RNF17: variants seen among roughly 807,000 people sequenced by gnomAD.
The protein encoded by RNF17 is ring finger protein 17, also known as spermatogenesis associated 23.
A neutral mutation model predicts 200.5 loss-of-function variants in RNF17; 31 were observed. The observed-to-expected ratio is 0.15, with a 90% CI of 0.12 to 0.21. RNF17 has a LOEUF of 0.21. Ranked by LOEUF, RNF17 falls within the 10% of genes least tolerant of loss-of-function variation. The pLI is 1.00. For missense variants in RNF17, 1,628 were observed against 1,905.1 expected, an observed-to-expected ratio of 0.85 and a Z score of 2.71; for synonymous variants, 606 against 637.8, an observed-to-expected ratio of 0.95 and a Z score of 0.75.
chr13:24,796,532 G>A (rs1884594050), intron 11 of RNF17, among the ~76,000 whole-genome samples: 1 of 152,104 alleles, frequency 6.6e-6, no homozygotes. Flanking sequence ...TTATGTAGTA[G>A]GGCGAATTTC....
chr13:24,855,341 A>T (rs1192787865), intron 25 of RNF17, among the ~76,000 whole-genome samples: 2 of 152,142 alleles, frequency 1.3e-5, no homozygotes, highest in South Asian at 2.1e-4. Context: ...CAGAATTGGT[A>T]ATCATTGGCC....
chr13:24,846,244 G>T (rs535269362), intron 22 of RNF17, among the ~76,000 whole-genome samples: 3 of 152,320 alleles, frequency 2.0e-5, no homozygotes, highest in Non-Finnish European at 4.4e-5. Flanking sequence ...GTAGTCTACA[G>T]TTTATGAGCT....
Position 24,879,626 on chromosome 13 carries a change from G to A in RNF17, c.*11-111G>A, listed in dbSNP as rs547446533. 6.1e-5 allele frequency: 11 copies of A among 180,048 alleles called. 1 individual carries two copies. In the South Asian group the frequency reaches 1.7e-3, roughly 28 times the overall value. The allele number at this position is 180,048 out of a possible 1,614,324, so 11.2% of individuals were successfully genotyped here. On this transcript the variant is annotated intron_variant, in intron 35 of 35. Transcript: ENST00000255324. ...TGAGCAGTCACCATCCTCATACCAC[G>A]TACTTACATGGGTAGCCAGCTAACT...
intron 32 of RNF17, among the ~76,000 whole-genome samples, chr13:24,871,958 C>CT (rs60797153): frequency 0.17 from 11,892 of 71,376 alleles, 2,519 homozygotes; most frequent in East Asian, 0.22. Context: ...TTATTGATGA[C>CT]TTTTTTTTTT....
chr13:24,782,427 G>A (rs143830523), intron 6 of RNF17, among the ~76,000 whole-genome samples: 57 of 152,010 alleles, frequency 3.7e-4, no homozygotes, highest in African/African-American at 1.3e-3. Context: ...CAAACTCCTG[G>A]CCTCAAGAAA....
At chr13:24,871,552 G>A (rs1278811009) in intron 32 of RNF17, among the ~76,000 whole-genome samples, 1 of 151,830 alleles carries the variant, frequency 6.6e-6, no homozygotes, top group East Asian at 1.9e-4. Flanking sequence ...TAGCCAGGCT[G>A]GTGTCAAGCT....
intron 31 of RNF17, among the ~76,000 whole-genome samples, chr13:24,869,934 A>ATTTTTTTTTTTTTTTTTTTTTTTTT: frequency 1.2e-5 from 1 of 83,756 alleles, no homozygotes; most frequent in Non-Finnish European, 2.2e-5. Context: ...TGCCCAGCTA[A>ATTTTTTTTTTTTTTTTTTTTTTTTT]TTTTTTTTTT....
At position 24,842,492 on chromosome 13, in the gene RNF17, T is replaced by C. The variant is rs3759462; in HGVS notation, c.2603+331T>C. 2.8e-4 allele frequency among the ~76,000 whole-genome samples: 43 copies of C among 152,304 alleles called. No individual in the cohort carries two copies. In the East Asian group the frequency reaches 7.3e-3, roughly 26 times the overall value. ...GGAATTGGGAAGAGAAATGGCAGGA[T>C]GGAGAATAAGCATAGTGGTAGAGTA... is the stretch of plus-strand genomic sequence containing the variant. On this transcript the variant is annotated intron_variant, in intron 19 of 35. Transcript: ENST00000255324.
intron 25 of RNF17, among the ~76,000 whole-genome samples, 172 bp from the exon 26 acceptor site, chr13:24,858,829 T>G (rs1243181710): frequency 6.6e-6 from 1 of 151,952 alleles, no homozygotes; most frequent in Non-Finnish European, 1.5e-5. Context: ...TCAAAGATCA[T>G]AATATTGTTT....
chr13:24,816,905 A>G (rs1887475962), intron 15 of RNF17, among the ~76,000 whole-genome samples: 1 of 150,980 alleles, frequency 6.6e-6, no homozygotes, highest in African/African-American at 2.4e-5. Flanking sequence ...TGTAAACATC[A>G]GTGACCACCT....
intron 18 of RNF17, among the ~76,000 whole-genome samples, chr13:24,837,217 A>G (rs1890111361): frequency 6.6e-6 from 1 of 152,200 alleles, no homozygotes; most frequent in Non-Finnish European, 1.5e-5. Flanking sequence ...GAGCTCCCAA[A>G]TTTATAAAAC....
chr13:24,834,327 A>G (rs947962812), intron 18 of RNF17, among the ~76,000 whole-genome samples: 1 of 152,172 alleles, frequency 6.6e-6, no homozygotes, highest in Non-Finnish European at 1.5e-5. Context: ...AGGCAGGAGA[A>G]TCACTTGAAC....
chr13:24,887,628 A>C, the RNF17 span, among the ~76,000 whole-genome samples: 144 of 152,196 alleles, frequency 9.5e-4, no homozygotes, highest in Middle Eastern at 3.4e-3. Context: ...CTGATTCTAC[A>C]TTATGGTGAG....
intron 22 of RNF17, 38 bp downstream of exon 22, chr13:24,845,117 T>A: frequency 1.0e-6 from 1 of 982,166 alleles, no homozygotes; most frequent in Non-Finnish European, 1.6e-6. Flanking sequence ...TTATTTTAAA[T>A]ATTTTTAAAT....
At chr13:24,864,300 A>G (rs1489097383) in intron 28 of RNF17, among the ~76,000 whole-genome samples, 2 of 152,200 alleles carry the variant, frequency 1.3e-5, no homozygotes, top group African/African-American at 4.8e-5. Context: ...AGCAACAGTA[A>G]TTCAGTGAGG....
rs199957715 is a variant in RNF17 at position 24,796,303 on chromosome 13, A to G, written c.1399+8A>G. ...CAGACATTTTGGAACTAGGTAATGA[A>G]ATATTAGTCCAAGTTAAAATATCAA... On this transcript the variant is annotated splice_region_variant and intron_variant, in intron 11 of 35. Coordinates refer to ENST00000255324, the MANE Select transcript of RNF17 (RefSeq NM_031277.3). 79 of 1,567,312 alleles carry G rather than the reference A, an allele frequency of 5.0e-5. No individual in the cohort carries two copies. Among genetic ancestry groups the G allele is most frequent in the Non-Finnish European group, 2.7e-5 (31 of 1,155,532 alleles).
intron 15 of RNF17, among the ~76,000 whole-genome samples, chr13:24,813,730 AAGT>A (rs1210071308): frequency 6.6e-6 from 1 of 150,456 alleles, no homozygotes; most frequent in Non-Finnish European, 1.5e-5. Context: ...TCCTGGACTG[AAGT>A]GGTTTCCTGT....
chr13:24,823,608 T>G (rs1888319801), intron 15 of RNF17, among the ~76,000 whole-genome samples: 2 of 152,222 alleles, frequency 1.3e-5, no homozygotes, highest in South Asian at 4.1e-4. Context: ...TGGGCACTTC[T>G]TCACCATTTA....
chr13:24,768,574 G>A (rs991881243), intron 2 of RNF17, among the ~76,000 whole-genome samples: 10 of 152,032 alleles, frequency 6.6e-5, no homozygotes, highest in South Asian at 6.2e-4. Context: ...ATGAGCCACC[G>A]CGCCTGGCCA....
Sources: gnomAD v4.1 joint callset for allele counts (sites outside exome capture counted in the v4.1 genomes callset) on GRCh38, gnomAD v4.1.1 for gene constraint, MANE v1.5 for transcripts, NCBI Gene and HGNC (gene_info 2026-07-23, HGNC 2026-07-21) for gene names.